ICA1L: variants seen among roughly 807,000 people sequenced by gnomAD.
ICA1L encodes islet cell autoantigen 1 like.
Under a neutral mutation model 61.3 loss-of-function variants are expected in ICA1L, and 50 were observed. The observed-to-expected ratio is 0.82, with a 90% confidence interval of 0.65 to 1.03. The LOEUF (loss-of-function observed/expected upper bound fraction) is 1.03, where lower values mean the gene tolerates loss of function less well. ICA1L is among the 50% of genes least tolerant of loss of function. ICA1L has a pLI of 0.00. For missense variants in ICA1L, 508 were observed against 556.7 expected, an observed-to-expected ratio of 0.91 and a Z score of 0.88; for synonymous variants, 161 against 191.3, an observed-to-expected ratio of 0.84 and a Z score of 1.31.
chr2:202,787,629 A>C lies in ICA1L; in HGVS notation c.1243+1201T>G, dbSNP rs192842614. 4.3e-3 allele frequency among the ~76,000 whole-genome samples: 654 copies of C among 152,360 alleles called. 4 individuals carry two copies. The highest frequency in any genetic ancestry group is 0.015 in the African/African-American group (618 of 41,588). ...CATGCTGCTGTCATAGAAAGTACAA[A>C]GATGACTCACTCCACATATCATGCC... On this transcript the variant is annotated intron_variant, in intron 11 of 12. Transcript: ENST00000358299.
chr2:202,811,301 T>C (rs1226698044), intron 9 of ICA1L, among the ~76,000 whole-genome samples: 1 of 152,022 alleles, frequency 6.6e-6, no homozygotes, highest in African/African-American at 2.4e-5. Context: ...ACGTGAAATA[T>C]CGGGGGTGAA....
intron 1 of ICA1L, chr2:202,841,725 C>A: frequency 4.0e-6 from 2 of 506,244 alleles, no homozygotes; most frequent in East Asian, 5.3e-5. Context: ...GCCTGGGGGC[C>A]AGAGGACCAC....
At chr2:202,840,911 C>T (rs1694310609) in intron 1 of ICA1L, 1 of 715,334 alleles carries the variant, frequency 1.4e-6, no homozygotes, top group Non-Finnish European at 2.6e-6. Context: ...CAGCCAGCGT[C>T]TGCAGTTCCT....
intron 1 of ICA1L, among the ~76,000 whole-genome samples, chr2:202,861,389 G>A (rs546992615): frequency 4.4e-5 from 4 of 91,422 alleles, no homozygotes; most frequent in Non-Finnish European, 7.9e-5. Context: ...TGGGTACACG[G>A]CGAGACTATC....
At chr2:202,840,910 T>C (rs1418659282) in intron 1 of ICA1L, 2 of 714,646 alleles carry the variant, frequency 2.8e-6, no homozygotes, top group East Asian at 3.3e-5. Flanking sequence ...CCAGCCAGCG[T>C]CTGCAGTTCC....
chr2:202,779,598 C>A lies in ICA1L; in HGVS notation c.1384G>T (p.Asp462Tyr). 6.2e-7 allele frequency: 1 copy of A among 1,613,526 alleles called. No individual in the cohort carries two copies. ...TCTGGGTTTGAAAGTGGATCCAAGT[C>A]TGCAAACAGATTGAACCAGGCTGAC... ...DMSAWFNLFA[D>Y]LDPLSNPDAI... Residue 462 changes from aspartate to tyrosine, a missense_variant, in exon 13 of 13, where the codon GAC (aspartate) becomes TAC (tyrosine). Physicochemically the swap from Asp to Tyr is radical, Grantham distance 160 (BLOSUM62 -3). Coordinates refer to ENST00000358299, the MANE Select transcript of ICA1L (RefSeq NM_001288622.3).
chr2:202,860,346 A>G (rs1374243204), intron 1 of ICA1L: 2 of 151,438 alleles, frequency 1.3e-5, no homozygotes, highest in Non-Finnish European at 2.9e-5. Context: ...AATATGGTTG[A>G]TCCAAACACA....
chr2:202,829,551 C>A (rs1165518740), intron 1 of ICA1L, among the ~76,000 whole-genome samples: 1 of 152,088 alleles, frequency 6.6e-6, no homozygotes, highest in Non-Finnish European at 1.5e-5. Flanking sequence ...AAGCAATCTC[C>A]TGCCTCAGCC....
intron 7 of ICA1L, 134 bp downstream of exon 7, chr2:202,815,777 T>C: frequency 2.0e-6 from 1 of 505,934 alleles, no homozygotes; most frequent in Non-Finnish European, 3.3e-6. Flanking sequence ...GTGCTGACCC[T>C]TGGCTGAAGG....
chr2:202,871,377 G>T (rs1411690407), intron 1 of ICA1L: 1 of 152,230 alleles, frequency 6.6e-6, no homozygotes, highest in African/African-American at 2.4e-5. Flanking sequence ...TTGCCTGGGG[G>T]GAGGCCGGAA....
At chr2:202,841,727 G>A (rs1694337815) in intron 1 of ICA1L, 3 of 506,234 alleles carry the variant, frequency 5.9e-6, no homozygotes, top group South Asian at 4.6e-5. Flanking sequence ...CTGGGGGCCA[G>A]AGGACCACCT....
intron 3 of ICA1L, chr2:202,825,463 C>T: frequency 1.7e-6 from 2 of 1,168,294 alleles, no homozygotes; most frequent in South Asian, 4.0e-5. Flanking sequence ...GAGAAAGACC[C>T]TGTCTCAAAG....
chr2:202,808,840 A>T (rs72932755), intron 9 of ICA1L, among the ~76,000 whole-genome samples: 13,937 of 152,306 alleles, frequency 0.092, 764 homozygotes, highest in Non-Finnish European at 0.13. Flanking sequence ...GCCAATGCAG[A>T]TACAGCTACA....
chr2:202,864,063 A>C (rs1687388603), intron 1 of ICA1L, among the ~76,000 whole-genome samples: 2 of 152,188 alleles, frequency 1.3e-5, no homozygotes, highest in African/African-American at 4.8e-5. Context: ...CATGAAAACA[A>C]AACGAAACCC....
chr2:202,806,045 T>G (rs954685459), intron 9 of ICA1L, among the ~76,000 whole-genome samples: 2 of 152,162 alleles, frequency 1.3e-5, no homozygotes, highest in African/African-American at 4.8e-5. Flanking sequence ...TGAAAATACC[T>G]CGGCCAGGCA....
intron 1 of ICA1L, chr2:202,829,381 AAAC>A: frequency 6.4e-6 from 1 of 157,384 alleles, no homozygotes; most frequent in Non-Finnish European, 1.4e-5. Context: ...ACAAACAAAA[AAAC>A]CAAAAAAAAC....
chr2:202,811,570 G>T (rs972670435), intron 9 of ICA1L, among the ~76,000 whole-genome samples, 176 bp downstream of exon 9: 3 of 148,824 alleles, frequency 2.0e-5, no homozygotes, highest in African/African-American at 7.4e-5. Flanking sequence ...GCTGAGGCAG[G>T]AGAATGGCAT....
chr2:202,839,374 C>G (rs1056655501), intron 1 of ICA1L, among the ~76,000 whole-genome samples: 7 of 151,852 alleles, frequency 4.6e-5, no homozygotes, highest in Non-Finnish European at 1.0e-4. Context: ...TGGCAGGCAC[C>G]TGTAGTCCCA....
At chr2:202,794,808 A>G (rs904671217) in intron 10 of ICA1L, among the ~76,000 whole-genome samples, 1 of 152,194 alleles carries the variant, frequency 6.6e-6, no homozygotes, top group Non-Finnish European at 1.5e-5. Context: ...TGTATGAAAA[A>G]AAAAGTCTGA....
Sources: gnomAD v4.1 joint callset for allele counts (sites outside exome capture counted in the v4.1 genomes callset) on GRCh38, gnomAD v4.1.1 for gene constraint, MANE v1.5 for transcripts, NCBI Gene and HGNC (gene_info 2026-07-23, HGNC 2026-07-21) for gene names.